NXPE2: variants seen among roughly 807,000 people sequenced by gnomAD.
NXPE2 encodes the protein NXPE family member 2.
In NXPE2, 34 loss-of-function variants were observed where a neutral mutation model predicts 34.4. The observed-to-expected ratio is 0.99, with a 90% CI of 0.75 to 1.31. NXPE2 has a LOEUF of 1.31. Ranked by LOEUF, NXPE2 falls within the 40% of genes most tolerant of loss-of-function variation. The pLI, the probability that NXPE2 is intolerant of heterozygous loss-of-function variation, is 0.00. For synonymous variants in NXPE2, 235 were observed against 231.3 expected (o/e 1.02, Z -0.15); for missense variants, 649 against 672.5 (o/e 0.97, Z 0.39).
At chr11:114,721,243 G>GTTT in the NXPE2 span, among the ~76,000 whole-genome samples, 2 of 138,866 alleles carry the variant, frequency 1.4e-5, no homozygotes, top group African/African-American at 2.6e-5. Context: ...CTTTCTTCAG[G>GTTT]TTTTTTTTTT....
chr11:114,531,241 A>G, the NXPE2 span, among the ~76,000 whole-genome samples: 2 of 152,316 alleles, frequency 1.3e-5, no homozygotes, highest in South Asian at 4.1e-4. Context: ...TCCAAAATAT[A>G]TAGCTCAGAG....
At chr11:114,761,223 A>G in the NXPE2 span, among the ~76,000 whole-genome samples, 2 of 152,198 alleles carry the variant, frequency 1.3e-5, no homozygotes, top group African/African-American at 2.4e-5. Context: ...GAGGTTGAAA[A>G]TATGAAAACT....
the NXPE2 span, among the ~76,000 whole-genome samples, chr11:114,724,898 T>C: frequency 2.0e-5 from 3 of 150,510 alleles, no homozygotes; most frequent in African/African-American, 7.3e-5. Context: ...TGGTTTTTTT[T>C]TTTTTTTTTT....
chr11:114,619,655 T>C, the NXPE2 span, among the ~76,000 whole-genome samples: 1 of 151,840 alleles, frequency 6.6e-6, no homozygotes, highest in East Asian at 1.9e-4. Context: ...CTGTGGATAA[T>C]AAGTGTTGCC....
chr11:114,558,447 GATTTGTGAT>G, the NXPE2 span, among the ~76,000 whole-genome samples: 1 of 152,058 alleles, frequency 6.6e-6, no homozygotes, highest in Admixed American at 6.6e-5. Flanking sequence ...TATGATGTTG[GATTTGTGAT>G]ATTTGCTTTT....
the NXPE2 span, chr11:114,522,296 C>T: frequency 2.5e-6 from 4 of 1,614,030 alleles, no homozygotes; most frequent in Middle Eastern, 1.7e-4. Context: ...AAAGTGCTGG[C>T]CAAAGGTGAT....
the NXPE2 span, among the ~76,000 whole-genome samples, chr11:114,537,309 C>A: frequency 9.9e-5 from 15 of 152,096 alleles, no homozygotes; most frequent in Non-Finnish European, 1.5e-5. Flanking sequence ...CTATGACAAC[C>A]CCACAGCCAA....
At chr11:114,743,747 A>C in the NXPE2 span, among the ~76,000 whole-genome samples, 1 of 151,822 alleles carries the variant, frequency 6.6e-6, no homozygotes, top group South Asian at 2.1e-4. Flanking sequence ...TTTTATGGTT[A>C]AAAGTTTTAA....
At chr11:114,809,410 G>C in the NXPE2 span, among the ~76,000 whole-genome samples, 64 of 151,338 alleles carry the variant, frequency 4.2e-4, no homozygotes, top group Non-Finnish European at 7.7e-4. Flanking sequence ...AATTGTCCCT[G>C]TTTGCAGATG....
chr11:114,710,419 G>A (rs911371509), downstream of NXPE2, among the ~76,000 whole-genome samples: 15 of 152,108 alleles, frequency 9.9e-5, no homozygotes, highest in Non-Finnish European at 1.2e-4. Context: ...ACATTAAAAT[G>A]GATGTCACAG....
the NXPE2 span, among the ~76,000 whole-genome samples, chr11:114,524,600 T>G: frequency 1.4e-3 from 213 of 152,290 alleles, no homozygotes; most frequent in Middle Eastern, 3.4e-3. Flanking sequence ...CTTGATAGCA[T>G]TGCACCCTAG....
chr11:114,499,586 T>C, the NXPE2 span, among the ~76,000 whole-genome samples: 1 of 152,154 alleles, frequency 6.6e-6, no homozygotes, highest in Non-Finnish European at 1.5e-5. Context: ...AGCAAGAAAA[T>C]ACGTATCTTA....
At chr11:114,493,159 G>A in the NXPE2 span, among the ~76,000 whole-genome samples, 5 of 152,026 alleles carry the variant, frequency 3.3e-5, no homozygotes, top group Non-Finnish European at 7.4e-5. Context: ...GTTTCCATTA[G>A]CATGAAATGT....
At chr11:114,791,044 CAGAG>C in the NXPE2 span, among the ~76,000 whole-genome samples, 1 of 151,586 alleles carries the variant, frequency 6.6e-6, no homozygotes, top group South Asian at 2.1e-4. Flanking sequence ...ATGGAGGTGG[CAGAG>C]AGAACAAACC....
the NXPE2 span, among the ~76,000 whole-genome samples, chr11:114,629,946 T>A: frequency 6.7e-6 from 1 of 150,044 alleles, no homozygotes; most frequent in East Asian, 1.9e-4. Flanking sequence ...ATAAAATACC[T>A]AGGAATCCAA....
At chr11:114,811,989 C>G in the NXPE2 span, among the ~76,000 whole-genome samples, 2 of 151,982 alleles carry the variant, frequency 1.3e-5, no homozygotes, top group East Asian at 3.9e-4. Flanking sequence ...AGCAGACACT[C>G]AAAAAAATGA....
chr11:114,724,425 G>A, the NXPE2 span, among the ~76,000 whole-genome samples: 5 of 152,234 alleles, frequency 3.3e-5, no homozygotes, highest in South Asian at 1.0e-3. Flanking sequence ...CCTATAATGA[G>A]TAATGTAATA....
the NXPE2 span, among the ~76,000 whole-genome samples, chr11:114,659,957 A>T: frequency 6.6e-6 from 1 of 152,130 alleles, no homozygotes; most frequent in African/African-American, 2.4e-5. Context: ...GTCAGAAATG[A>T]CAGAGGGAAT....
chr11:114,694,658 G>A (rs995841316), intron 2 of NXPE2, among the ~76,000 whole-genome samples: 7 of 151,930 alleles, frequency 4.6e-5, no homozygotes, highest in African/African-American at 1.7e-4. Context: ...TTTAGTTTGG[G>A]AAGTTTCTGT....
Sources: gnomAD v4.1 joint callset for allele counts (sites outside exome capture counted in the v4.1 genomes callset) on GRCh38, gnomAD v4.1.1 for gene constraint, MANE v1.5 for transcripts, NCBI Gene and HGNC (gene_info 2026-07-23, HGNC 2026-07-21) for gene names.